PRPF40B: variants seen among roughly 807,000 people sequenced by gnomAD.
The protein encoded by PRPF40B is pre-mRNA processing factor 40B.
A neutral mutation model predicts 124.5 loss-of-function variants in PRPF40B; 56 were observed. The ratio of observed to expected loss-of-function variants is 0.45; its 90% CI spans 0.36 to 0.56. The LOEUF (loss-of-function observed/expected upper bound fraction) is 0.56, where lower values mean the gene tolerates loss of function less well. Ranked by LOEUF, PRPF40B falls within the 20% of genes least tolerant of loss-of-function variation. The pLI is 0.00. For synonymous variants in PRPF40B, 443 were observed against 426.4 expected (o/e 1.04, Z -0.48); for missense variants, 1,053 against 1,169.5 (o/e 0.90, Z 1.45).
Position 49,642,671 on chromosome 12 carries a change from T to C in PRPF40B, c.2114T>C (p.Leu705Pro). Residue 705 changes from leucine (L) to proline (P), a missense_variant, in exon 21 of 26, where the codon CTG becomes CCG. By Grantham distance (98) the Leu-to-Pro change is moderately conservative. Around this residue, in one of 2 missense-constraint regions of PRPF40B, gnomAD observed 895 missense variants for 1,052.2 expected, o/e 0.85. Coordinates refer to ENST00000548825, the MANE Select transcript of PRPF40B (RefSeq NM_001031698.3). This position sits in a 1 kb window ranked among gnomAD's most constrained non-coding sequence, Gnocchi z 5.8. The part of the protein sequence containing the change: ...IRLFREFLQV[L>P]ETECQHLHTK... ...CTCTTCCGGGAGTTCCTACAGGTGC[T>C]GGAGGTGAGGCAGGCTTGTCCTCTG... 6.2e-7 allele frequency: 1 copy of C among 1,613,948 alleles called. No homozygotes were observed. Among genetic ancestry groups the C allele is most frequent in the Non-Finnish European group, 8.5e-7 (1 of 1,179,924 alleles).
chr12:49,642,763 C>T lies in PRPF40B; in HGVS notation c.2118+88C>T. ...GAGACCTCAGTGGCCTCCCTCTTAC[C>T]CTTAGGGCACTCCTGGCCAGCTAAG... is the stretch of plus-strand genomic sequence containing the variant. On this transcript the variant is annotated intron_variant, in intron 21 of 25. Coordinates refer to ENST00000548825, the MANE Select transcript of PRPF40B (RefSeq NM_001031698.3). This position sits in a 1 kb window ranked among gnomAD's most constrained non-coding sequence, Gnocchi z 5.8. 1 of 1,466,338 alleles carries T rather than the reference C, an allele frequency of 6.8e-7. No individual in the cohort carries two copies. The highest frequency in any genetic ancestry group is 9.4e-7 in the Non-Finnish European group (1 of 1,068,288). 90.8% of individuals were successfully genotyped at this position (1,466,338 alleles called of 1,614,324 possible). A position where few individuals can be genotyped will look rare whatever the true frequency, so the allele number is the denominator to read the frequency against.
chr12:49,639,421 T>C (rs1942295286), intron 18 of PRPF40B: 1 of 152,276 alleles, frequency 6.6e-6, no homozygotes, highest in Admixed American at 6.5e-5. Context: ...GGGAGAAAAG[T>C]CAGTAGGCTG....
chr12:49,644,369 C>A lies in PRPF40B; in HGVS notation c.*177C>A. 1.4e-6 allele frequency: 1 copy of A among 705,430 alleles called. No individual in the cohort carries two copies. Among genetic ancestry groups the A allele is most frequent in the Non-Finnish European group, 2.4e-6 (1 of 412,366 alleles). The allele number at this position is 705,430 out of a possible 1,614,324, so 43.7% of individuals were successfully genotyped here. The stretch of plus-strand genomic sequence containing the variant: ...AGGTTGCTCTTGGTGTTCAAGGGTC[C>A]CCTACTCCCTGGACTAGTGCAGTCC... On this transcript the variant is annotated 3_prime_UTR_variant, in exon 26 of 26. Transcript: ENST00000548825.
chr12:49,636,494 A>C, intron 15 of PRPF40B: 1 of 531,860 alleles, frequency 1.9e-6, no homozygotes, highest in South Asian at 3.3e-5. Context: ...TGAATTCACA[A>C]GAGCTGAATA....
At chr12:49,623,676 G>A in intron 1 of PRPF40B, 83 bp downstream of exon 1, 2 of 1,227,976 alleles carry the variant, frequency 1.6e-6, no homozygotes, top group Middle Eastern at 3.1e-4. Context: ...GATGGGGCGG[G>A]GAGGCCGCTG....
chr12:49,640,478 A>G (rs985600327), intron 18 of PRPF40B: 3 of 152,286 alleles, frequency 2.0e-5, no homozygotes, highest in African/African-American at 7.2e-5. Flanking sequence ...TGAGGACCAG[A>G]TGAGTGAGGA....
chr12:49,642,263 G>T lies in PRPF40B; in HGVS notation c.1913G>T (p.Arg638Met), dbSNP rs752817506. 63 of 1,614,072 alleles carry T rather than the reference G, an allele frequency of 3.9e-5. No individual in the cohort carries two copies. The highest frequency in any genetic ancestry group is 5.3e-5 in the Non-Finnish European group (62 of 1,180,030). ...CTGGAGAAAGCAGAGGCACGGGAGA[G>T]GGAGCGGGAGAAGGAGGAGGCACGC... The part of the protein sequence containing the change: ...SLLEKAEARE[R>M]EREKEEARRM... The change falls in exon 20 of 26, where the codon AGG (arginine) becomes ATG (methionine). Residue 638 changes from arginine (R) to methionine (M), a missense_variant. Arg to Met is a moderately conservative substitution (Grantham distance 91). Around this residue, in one of 2 missense-constraint regions of PRPF40B, gnomAD observed 895 missense variants for 1,052.2 expected, o/e 0.85. Coordinates refer to ENST00000548825, the MANE Select transcript of PRPF40B (RefSeq NM_001031698.3). The surrounding 1 kb of genome is among the most constrained non-coding windows in gnomAD (Gnocchi z 5.8).
rs1035521332 is a variant in PRPF40B, at chr12:49,633,902, C to G, written c.622C>G (p.Leu208Val). Reference protein sequence around the residue: ...QEAAGKQQQQLPQTLQPQPPQ... With the variant: ...QEAAGKQQQQVPQTLQPQPPQ... Reference sequence around the variant, plus strand: ...CATCTGCAGGAAACAGCAGCAGCAGCTGCCACAGACACTTCAGCCACAGCC... The same window carrying G: ...CATCTGCAGGAAACAGCAGCAGCAGGTGCCACAGACACTTCAGCCACAGCC... The change falls in exon 10 of 26, where the codon CTG (leucine) becomes GTG (valine). Residue 208 changes from leucine (L) to valine (V), a missense_variant. Physicochemically the swap from Leu to Val is conservative, Grantham distance 32 (BLOSUM62 1). Transcript: ENST00000548825. The G allele has an allele frequency of 8.1e-6, 13 of 1,614,040 alleles. No homozygotes were observed. In the African/African-American group the frequency reaches 1.7e-4, roughly 22 times the overall value.
At chr12:49,632,513 C>T in intron 4 of PRPF40B, 83 bp from the exon 5 acceptor site, 1 of 1,429,686 alleles carries the variant, frequency 7.0e-7, no homozygotes. Context: ...TCTGGCCTGG[C>T]CTGCTTCTCC....
upstream of PRPF40B, chr12:49,623,522 G>A: frequency 8.1e-7 from 1 of 1,241,898 alleles, no homozygotes; most frequent in Non-Finnish European, 1.0e-6. Context: ...CCCGGCTGCG[G>A]CCTGGCCAAT....
intron 16 of PRPF40B, 22 bp from the exon 17 acceptor site, chr12:49,637,448 T>C: frequency 6.4e-7 from 1 of 1,569,574 alleles, no homozygotes; most frequent in Non-Finnish European, 8.8e-7. Flanking sequence ...ACTCTCCCTA[T>C]AACTGGCCTC....
intron 17 of PRPF40B, 72 bp downstream of exon 17, chr12:49,637,656 C>G: frequency 6.4e-7 from 1 of 1,556,910 alleles, no homozygotes; most frequent in Non-Finnish European, 8.8e-7. Context: ...CCCCTACTAC[C>G]GGCTCCTGTC....
intron 23 of PRPF40B, 134 bp downstream of exon 23, chr12:49,643,531 C>T (rs1942948542): frequency 3.6e-6 from 5 of 1,373,440 alleles, no homozygotes; most frequent in South Asian, 2.9e-5. Context: ...AAAGAACTTC[C>T]TCTACCTGCC....
upstream of PRPF40B, chr12:49,623,484 G>A: frequency 8.4e-7 from 1 of 1,186,668 alleles, no homozygotes; most frequent in Non-Finnish European, 1.1e-6. Context: ...GGCCACGAAG[G>A]GGTGCGACCC....
rs1942768706 is a variant in PRPF40B, at chr12:49,642,211, G to A, written c.1885-24G>A. 1.9e-6 allele frequency: 3 copies of A among 1,613,974 alleles called. No individual in the cohort carries two copies. The highest frequency in any genetic ancestry group is 1.7e-6 in the Non-Finnish European group (2 of 1,180,002). ...GGCATCCACCCTCCTGGGTGACCCT[G>A]TTCCGTGTCCCTTCTTTCCTCAGCT... On this transcript the variant is annotated intron_variant, in intron 19 of 25. Coordinates refer to ENST00000548825, the MANE Select transcript of PRPF40B (RefSeq NM_001031698.3). This position sits in a 1 kb window ranked among gnomAD's most constrained non-coding sequence, Gnocchi z 5.8.
chr12:49,635,690 C>T lies in PRPF40B; in HGVS notation c.1276-153C>T, dbSNP rs1033219060. On this transcript the variant is annotated intron_variant, in intron 14 of 25. Coordinates refer to ENST00000548825, the MANE Select transcript of PRPF40B (RefSeq NM_001031698.3). This position sits in a 1 kb window ranked among gnomAD's most constrained non-coding sequence, Gnocchi z 4.1. ...AGTCTCTGAGAGATGGGTCTGTAACCTGTACTCCCTCCCCTTCCCTGAGAC... is the reference window on the plus strand; with the variant it reads ...AGTCTCTGAGAGATGGGTCTGTAACTTGTACTCCCTCCCCTTCCCTGAGAC... Among the ~76,000 whole-genome samples the T allele has an allele frequency of 6.6e-6, 1 of 152,010 alleles. No homozygotes were observed. The highest frequency in any genetic ancestry group is 2.4e-5 in the African/African-American group (1 of 41,358).
At chr12:49,640,114 C>T (rs1287040418) in intron 18 of PRPF40B, 1 of 152,236 alleles carries the variant, frequency 6.6e-6, no homozygotes, top group Non-Finnish European at 1.5e-5. Flanking sequence ...GCCCAGGAGT[C>T]CCTCTTGCTT....
At chr12:49,626,386 C>T (rs1430593522) in intron 1 of PRPF40B, among the ~76,000 whole-genome samples, 1 of 152,166 alleles carries the variant, frequency 6.6e-6, no homozygotes, top group East Asian at 1.9e-4. Context: ...CCACATGAAA[C>T]ACCCAGCAAA....
chr12:49,640,030 C>A (rs1942395520), intron 18 of PRPF40B: 1 of 152,244 alleles, frequency 6.6e-6, no homozygotes, highest in Admixed American at 6.5e-5. Flanking sequence ...TCCACACAAC[C>A]TGAGAAAGCA....
Sources: gnomAD v4.1 joint callset for allele counts (sites outside exome capture counted in the v4.1 genomes callset) on GRCh38, gnomAD v4.1.1 for gene constraint, gnomAD v4.1.1 regional missense constraint, Gnocchi (gnomAD v3.1) non-coding constraint, MANE v1.5 for transcripts, NCBI Gene and HGNC (gene_info 2026-07-23, HGNC 2026-07-21) for gene names.